Variants in NCALD observed in about 807,000 individuals in gnomAD.
NCALD encodes neurocalcin-delta.
NCALD carries 10 observed loss-of-function variants against 18.6 expected under a neutral mutation model. That is an observed-to-expected ratio of 0.54 (90% CI 0.33 to 0.91). The LOEUF is 0.91. NCALD is among the 40% of genes least tolerant of loss of function. NCALD has a pLI of 0.03. For missense variants in NCALD, 184 were observed against 247.6 expected (o/e 0.74, Z 1.72); for synonymous variants, 88 against 87.4 (o/e 1.01, Z -0.04).
intron 1 of NCALD, among the ~76,000 whole-genome samples, chr8:101,769,084 G>C (rs1432404916): frequency 6.6e-6 from 1 of 152,194 alleles, no homozygotes; most frequent in Non-Finnish European, 1.5e-5. Context: ...GGCAGTCAAT[G>C]TCAAGAAGCT....
intron 4 of NCALD, among the ~76,000 whole-genome samples, chr8:101,825,397 A>G (rs116596475): frequency 0.014 from 2,172 of 152,306 alleles, 50 homozygotes; most frequent in African/African-American, 0.049. Context: ...GGAAACCCAA[A>G]TGGACAGAGG....
intron 1 of NCALD, 134 bp from the exon 2 acceptor site, chr8:101,719,782 T>C (rs1816265927): frequency 2.5e-6 from 2 of 800,434 alleles, no homozygotes; most frequent in Non-Finnish European, 3.7e-6. Context: ...TAACACTGTC[T>C]AGGTTTTGCA....
intron 2 of NCALD, among the ~76,000 whole-genome samples, chr8:101,952,236 G>A (rs1388752772): frequency 6.6e-6 from 1 of 152,098 alleles, no homozygotes; most frequent in Non-Finnish European, 1.5e-5. Flanking sequence ...GCAAGTACAG[G>A]ACTCCAAGTC....
intron 2 of NCALD, among the ~76,000 whole-genome samples, chr8:101,718,245 C>T (rs1816180416): frequency 1.3e-5 from 2 of 152,128 alleles, no homozygotes; most frequent in Admixed American, 1.3e-4. Context: ...TTATTTATTT[C>T]ATTTCATTTC....
intron 3 of NCALD, among the ~76,000 whole-genome samples, chr8:101,890,587 C>G (rs1816835953): frequency 6.6e-6 from 1 of 152,178 alleles, no homozygotes; most frequent in African/African-American, 2.4e-5. Context: ...GAAGGGAGTG[C>G]CCTCTTGCCC....
intron 2 of NCALD, among the ~76,000 whole-genome samples, chr8:101,922,690 T>A (rs1484697226): frequency 2.6e-5 from 4 of 152,200 alleles, no homozygotes; most frequent in African/African-American, 9.6e-5. Context: ...TGCCCTATTA[T>A]CCACAGGGAA....
chr8:101,973,416 T>G (rs1313627995), intron 2 of NCALD, among the ~76,000 whole-genome samples: 2 of 151,964 alleles, frequency 1.3e-5, no homozygotes, highest in East Asian at 1.9e-4. Flanking sequence ...AGGTTAGGGG[T>G]TTGAATGAAA....
intron 3 of NCALD, among the ~76,000 whole-genome samples, chr8:101,909,710 A>G (rs1393502079): frequency 6.6e-6 from 1 of 152,222 alleles, no homozygotes; most frequent in Non-Finnish European, 1.5e-5. Context: ...CTAAACAGCT[A>G]GTATAGAGAA....
intron 1 of NCALD, among the ~76,000 whole-genome samples, chr8:101,758,598 C>T (rs968389969): frequency 6.6e-6 from 1 of 152,182 alleles, no homozygotes; most frequent in Non-Finnish European, 1.5e-5. Flanking sequence ...AGACCAGGTG[C>T]TCTTACTCAC....
chr8:101,738,552 C>CAAAAAAAAAA (rs34205453), intron 1 of NCALD, among the ~76,000 whole-genome samples: 60 of 127,864 alleles, frequency 4.7e-4, no homozygotes, highest in Middle Eastern at 4.1e-3. Flanking sequence ...CTCAAAAAAA[C>CAAAAAAAAAA]AAAAAAAAAA....
rs545983657 is a variant in NCALD, at chr8:101,689,538, C to A, written c.485-132G>T. 213 of 678,496 alleles carry A rather than the reference C, an allele frequency of 3.1e-4. No homozygotes were observed. The African/African-American group carries it at 3.3e-3, about 11-fold the overall frequency. 42.0% of individuals were successfully genotyped at this position (678,496 alleles called of 1,614,324 possible). A position where few individuals can be genotyped will look rare whatever the true frequency, so the allele number is the denominator to read the frequency against. On this transcript the variant is annotated intron_variant, in intron 3 of 3. Transcript: ENST00000220931. This position sits in a 1 kb window ranked among gnomAD's most constrained non-coding sequence, Gnocchi z 4.4. ...CACTGCCACTGTGACACACAGCACT[C>A]ACCTGTCCCGGGGAAGAGCCCAGTG...
intron 4 of NCALD, among the ~76,000 whole-genome samples, chr8:101,875,772 T>C (rs1031854316): frequency 6.6e-6 from 1 of 152,158 alleles, no homozygotes; most frequent in Non-Finnish European, 1.5e-5. Context: ...GACCCCTCCC[T>C]GGGAAGGACA....
Position 101,689,387 on chromosome 8 carries a change from C to A in NCALD, c.504G>T (p.Glu168Asp). The A allele has an allele frequency of 6.2e-7, 1 of 1,609,804 alleles. No homozygotes were observed. The highest frequency in any genetic ancestry group is 8.5e-7 in the Non-Finnish European group (1 of 1,178,136). The change falls in exon 4 of 4, where the codon GAG becomes GAT. Residue 168 changes from glutamate (E) to aspartate (D), a missense_variant. By Grantham distance (45) the Glu-to-Asp change is conservative (BLOSUM62 2). Transcript: ENST00000220931. The surrounding 1 kb of genome is among the most constrained non-coding windows in gnomAD (Gnocchi z 4.4). ...GGTCGCTTTTGGCTCCTCGGATGAA[C>A]TCTTCCAGGGAGAGTTTTCCTAGGA... The part of the protein sequence containing the change: ...TNRDGKLSLE[E>D]FIRGAKSDPS...
At chr8:101,785,361 G>A (rs1166452257) in intron 1 of NCALD, among the ~76,000 whole-genome samples, 1 of 152,124 alleles carries the variant, frequency 6.6e-6, no homozygotes, top group Non-Finnish European at 1.5e-5. Flanking sequence ...CAGTTTCTAT[G>A]CCAAGTAAAT....
intron 2 of NCALD, among the ~76,000 whole-genome samples, chr8:101,996,896 G>A (rs562430211): frequency 1.3e-5 from 2 of 152,316 alleles, no homozygotes; most frequent in East Asian, 3.9e-4. Context: ...CGGGCTTCAG[G>A]TTCTTAACTT....
intron 2 of NCALD, among the ~76,000 whole-genome samples, chr8:101,719,041 T>C (rs1232687166): frequency 6.6e-6 from 1 of 152,108 alleles, no homozygotes; most frequent in East Asian, 1.9e-4. Flanking sequence ...ACTAGTCTAG[T>C]TTTTCAAGAG....
intron 4 of NCALD, among the ~76,000 whole-genome samples, chr8:101,829,713 T>C (rs1814089698): frequency 6.6e-6 from 1 of 152,162 alleles, no homozygotes; most frequent in African/African-American, 2.4e-5. Context: ...TCTGAATTAC[T>C]GAAACTGAAC....
At chr8:101,726,998 C>T (rs75394239) in intron 1 of NCALD, among the ~76,000 whole-genome samples, 2,408 of 152,304 alleles carry the variant, frequency 0.016, 55 homozygotes, top group African/African-American at 0.055. Flanking sequence ...AGTAGGCAGA[C>T]AAACACAAGG....
intron 1 of NCALD, among the ~76,000 whole-genome samples, chr8:102,060,428 A>G (rs932992789): frequency 2.0e-5 from 3 of 152,212 alleles, no homozygotes; most frequent in Admixed American, 1.3e-4. Context: ...CTGAGACCTC[A>G]CTTCTGAGTC....
Sources: allele counts gnomAD v4.1 joint callset (sites outside exome capture counted in the v4.1 genomes callset), GRCh38; gene constraint gnomAD v4.1.1; non-coding constraint Gnocchi (gnomAD v3.1); transcripts MANE v1.5; gene names NCBI Gene and HGNC (gene_info 2026-07-23, HGNC 2026-07-21).